IQCM: variants seen among roughly 807,000 people sequenced by gnomAD.
IQCM encodes the protein IQ domain-containing protein M.
In IQCM, 45 loss-of-function variants were observed where a neutral mutation model predicts 57.6. That is an observed-to-expected ratio of 0.78 (90% CI 0.62 to 1.00). The LOEUF is 1.00. Among genes scored for constraint, IQCM ranks in the 50% least tolerant of loss-of-function variants. The pLI, the probability that IQCM is intolerant of heterozygous loss-of-function variation, is 0.00. For synonymous variants in IQCM, 148 were observed against 158.9 expected (o/e 0.93, Z 0.51); for missense variants, 468 against 511.6 (o/e 0.91, Z 0.82).
intron 13 of IQCM, among the ~76,000 whole-genome samples, chr4:149,395,865 T>C (rs1422338593): frequency 1.3e-5 from 2 of 151,996 alleles, no homozygotes; most frequent in Non-Finnish European, 2.9e-5. Context: ...ATATGTTATT[T>C]CTTCAGCTTT....
At chr4:149,391,020 C>A (rs1731814625) in intron 13 of IQCM, among the ~76,000 whole-genome samples, 1 of 151,832 alleles carries the variant, frequency 6.6e-6, no homozygotes, top group Non-Finnish European at 1.5e-5. Flanking sequence ...GTGATACTGG[C>A]ATGAGGATAG....
chr4:149,370,640 G>T, intron 13 of IQCM, among the ~76,000 whole-genome samples: 1 of 151,896 alleles, frequency 6.6e-6, no homozygotes, highest in Non-Finnish European at 1.5e-5. Context: ...TGCTGGCTCT[G>T]TGAATGCACT....
chr4:149,594,085 C>T (rs923587014), intron 8 of IQCM, among the ~76,000 whole-genome samples: 2 of 152,122 alleles, frequency 1.3e-5, no homozygotes, highest in South Asian at 2.1e-4. Flanking sequence ...TCCATCCGGT[C>T]CCGGACTATT....
intron 12 of IQCM, among the ~76,000 whole-genome samples, chr4:149,510,890 G>C (rs1350945544): frequency 6.6e-6 from 1 of 152,106 alleles, no homozygotes; most frequent in Non-Finnish European, 1.5e-5. Context: ...CATTTAGCCA[G>C]GTTTCTCCAT....
chr4:149,573,355 ACTC>A (rs1329743011), intron 9 of IQCM, among the ~76,000 whole-genome samples: 2 of 151,512 alleles, frequency 1.3e-5, no homozygotes, highest in Non-Finnish European at 2.9e-5. Flanking sequence ...TTTCCAAGGA[ACTC>A]CTCTTCAAGA....
intron 2 of IQCM, among the ~76,000 whole-genome samples, chr4:149,749,167 T>C (rs773852353): frequency 1.1e-4 from 16 of 152,180 alleles, no homozygotes; most frequent in Non-Finnish European, 2.1e-4. Context: ...TCTTTAAAAA[T>C]TGAATCCGTA....
At chr4:149,611,277 G>T (rs984659028) in intron 8 of IQCM, among the ~76,000 whole-genome samples, 3 of 151,892 alleles carry the variant, frequency 2.0e-5, no homozygotes, top group Non-Finnish European at 2.9e-5. Flanking sequence ...CAGTATGGAG[G>T]TTCCTCAAAA....
intron 7 of IQCM, among the ~76,000 whole-genome samples, chr4:149,671,437 T>C (rs1367179762): frequency 1.3e-5 from 2 of 152,174 alleles, no homozygotes; most frequent in Non-Finnish European, 2.9e-5. Context: ...GCTCCTGGAC[T>C]CACTGATATT....
At chr4:149,723,787 G>A (rs1231518414) in intron 5 of IQCM, among the ~76,000 whole-genome samples, 1 of 151,910 alleles carries the variant, frequency 6.6e-6, no homozygotes, top group Non-Finnish European at 1.5e-5. Flanking sequence ...TGGTACCAGG[G>A]TGATACTGGC....
chr4:149,361,078 T>C (rs1281304568), intron 13 of IQCM, among the ~76,000 whole-genome samples: 1 of 152,146 alleles, frequency 6.6e-6, no homozygotes, highest in Non-Finnish European at 1.5e-5. Context: ...TAAAGGTGAC[T>C]CTTGTTACAT....
chr4:149,576,505 T>A (rs1258072954), intron 9 of IQCM, among the ~76,000 whole-genome samples: 1 of 151,860 alleles, frequency 6.6e-6, no homozygotes, highest in Non-Finnish European at 1.5e-5. Flanking sequence ...ATTTGGTTTT[T>A]TGTTCCCAGA....
intron 12 of IQCM, among the ~76,000 whole-genome samples, chr4:149,470,385 C>T (rs1176094974): frequency 1.3e-5 from 2 of 151,882 alleles, no homozygotes; most frequent in Admixed American, 6.6e-5. Flanking sequence ...AAGGCCATGA[C>T]ATAATGGTAA....
intron 11 of IQCM, among the ~76,000 whole-genome samples, 193 bp downstream of exon 11, chr4:149,552,950 G>A (rs528283017): frequency 6.6e-6 from 1 of 152,306 alleles, no homozygotes; most frequent in Admixed American, 6.5e-5. Flanking sequence ...TAGCTAAAAT[G>A]AGTTTTCTGT....
At chr4:149,581,853 A>G (rs965512956) in intron 9 of IQCM, among the ~76,000 whole-genome samples, 9 of 151,446 alleles carry the variant, frequency 5.9e-5, no homozygotes, top group African/African-American at 2.2e-4. Flanking sequence ...TGACTCTCCC[A>G]TGATTTGTCT....
At chr4:149,566,873 T>C (rs1260150604) in intron 9 of IQCM, among the ~76,000 whole-genome samples, 1 of 152,128 alleles carries the variant, frequency 6.6e-6, no homozygotes, top group Non-Finnish European at 1.5e-5. Context: ...AAATAATGAG[T>C]TTGAAAAGAA....
At position 149,719,169 on chromosome 4, in the gene IQCM, A is replaced by C. The variant is rs551644417; in HGVS notation, c.385+14075T>G. On this transcript the variant is annotated intron_variant, in intron 5 of 13. Coordinates refer to ENST00000636793, the MANE Select transcript of IQCM (RefSeq NM_001363507.2). The stretch of plus-strand genomic sequence containing the variant: ...AGACCAGCCTGGCCAACACGGTGAA[A>C]TCCCATCTCTACTAAAAATACAAAA... 2.0e-5 allele frequency among the ~76,000 whole-genome samples: 3 copies of C among 152,108 alleles called. No individual in the cohort carries two copies. In the East Asian group the frequency reaches 5.8e-4, roughly 30 times the overall value.
intron 12 of IQCM, among the ~76,000 whole-genome samples, chr4:149,442,110 A>G (rs1736001802): frequency 6.6e-6 from 1 of 152,090 alleles, no homozygotes; most frequent in South Asian, 2.1e-4. Context: ...AACTATCCTC[A>G]TTTCTAGCTG....
chr4:149,493,355 T>C (rs1742299454), intron 12 of IQCM, among the ~76,000 whole-genome samples: 1 of 152,104 alleles, frequency 6.6e-6, no homozygotes, highest in Non-Finnish European at 1.5e-5. Context: ...TTTGGTCAAT[T>C]AAAGACAAAA....
At chr4:149,462,697 G>A (rs773032865) in intron 12 of IQCM, among the ~76,000 whole-genome samples, 1 of 152,146 alleles carries the variant, frequency 6.6e-6, no homozygotes, top group Non-Finnish European at 1.5e-5. Context: ...GTGAGAATGA[G>A]GAATAAAGAC....
Sources: gnomAD v4.1 joint callset for allele counts (sites outside exome capture counted in the v4.1 genomes callset) on GRCh38, gnomAD v4.1.1 for gene constraint, MANE v1.5 for transcripts, NCBI Gene and HGNC (gene_info 2026-07-23, HGNC 2026-07-21) for gene names.